The following GRID2 variants were observed in gnomAD, a reference collection of about 807,000 sequenced individuals.
GRID2 encodes glutamate ionotropic receptor delta type subunit 2.
In GRID2, 33 loss-of-function variants were observed where a neutral mutation model predicts 114.8. The ratio of observed to expected loss-of-function variants is 0.29; its 90% CI spans 0.22 to 0.38. The LOEUF is 0.38. Ranked by LOEUF, GRID2 falls within the 10% of genes least tolerant of loss-of-function variation. The pLI, the probability that GRID2 is intolerant of heterozygous loss-of-function variation, is 1.00. For missense variants in GRID2, 1,184 were observed against 1,257.7 expected (o/e 0.94, Z 0.89); for synonymous variants, 505 against 449.9 (o/e 1.12, Z -1.55).
intron 2 of GRID2, among the ~76,000 whole-genome samples, chr4:92,988,485 C>G (rs186638223): frequency 3.3e-5 from 5 of 152,274 alleles, no homozygotes; most frequent in Admixed American, 2.0e-4. Context: ...AGTGGCATCC[C>G]TTATTTCTGC....
chr4:93,183,717 T>G (rs1022657001), intron 4 of GRID2, among the ~76,000 whole-genome samples: 5 of 152,200 alleles, frequency 3.3e-5, no homozygotes, highest in Admixed American at 6.5e-5. Context: ...TACCATCATG[T>G]GCCAGGCACT....
At chr4:92,820,577 A>G (rs1741215177) in intron 2 of GRID2, among the ~76,000 whole-genome samples, 1 of 152,146 alleles carries the variant, frequency 6.6e-6, no homozygotes, top group African/African-American at 2.4e-5. Flanking sequence ...CTTGGCTGCA[A>G]TGAACTTTAT....
chr4:92,687,430 T>C (rs141120027), intron 2 of GRID2, among the ~76,000 whole-genome samples: 2 of 152,134 alleles, frequency 1.3e-5, no homozygotes. Context: ...TCACACACTG[T>C]TTTTAGCTTC....
chr4:92,710,318 GAAATA>G (rs1560545842), intron 2 of GRID2, among the ~76,000 whole-genome samples: 1 of 152,132 alleles, frequency 6.6e-6, no homozygotes, highest in Non-Finnish European at 1.5e-5. Flanking sequence ...TTAGATAAAT[GAAATA>G]ATTAAAAACT....
In GRID2 at chr4:93,110,850, TC is replaced by T; in HGVS notation, c.633del (p.Phe212LeufsTer4). 1 of 1,610,692 alleles carries T rather than the reference TC, an allele frequency of 6.2e-7. No homozygotes were observed. Among genetic ancestry groups the T allele is most frequent in the Non-Finnish European group, 8.5e-7 (1 of 1,176,858 alleles). On this transcript the variant is annotated frameshift_variant, in exon 4 of 16. Coordinates refer to ENST00000282020, the MANE Select transcript of GRID2 (RefSeq NM_001510.4). LOFTEE classifies it high-confidence loss of function. ...ENNINKMITT[L>X]FDTMRIEELN... ...AACATCAATAAAATGATTACCACTC[TC>T]TTTGACACCATGAGAATAGAAGAAC...
chr4:92,638,762 TAAC>T (rs534305900), intron 2 of GRID2, among the ~76,000 whole-genome samples: 193 of 150,834 alleles, frequency 1.3e-3, no homozygotes, highest in African/African-American at 4.3e-3. Context: ...TTATTTTTAA[TAAC>T]AAATTTATTT....
rs148979896 is a variant in GRID2, at chr4:93,718,167, A to G, written c.2361-51043A>G. Reference sequence around the variant, plus strand: ...TAGTTGATCAATGAAATACTTACAGAAGATTTCAAAATAAGATACATATGG... The same window carrying G: ...TAGTTGATCAATGAAATACTTACAGGAGATTTCAAAATAAGATACATATGG... On this transcript the variant is annotated intron_variant, in intron 14 of 15. Coordinates refer to ENST00000282020, the MANE Select transcript of GRID2 (RefSeq NM_001510.4). Among the ~76,000 whole-genome samples the G allele has an allele frequency of 1.3e-3, 201 of 152,338 alleles. 1 individual carries two copies. Among genetic ancestry groups the G allele is most frequent in the African/African-American group, 4.7e-3 (195 of 41,584 alleles).
At chr4:92,898,766 A>G (rs1482230191) in intron 2 of GRID2, among the ~76,000 whole-genome samples, 1 of 152,158 alleles carries the variant, frequency 6.6e-6, no homozygotes, top group South Asian at 2.1e-4. Context: ...TATGGGCCAA[A>G]TACCATCCTT....
At chr4:93,163,542 G>A (rs1242300193) in intron 4 of GRID2, among the ~76,000 whole-genome samples, 2 of 149,196 alleles carry the variant, frequency 1.3e-5, no homozygotes, top group African/African-American at 2.5e-5. Flanking sequence ...GGGATTACAG[G>A]TGTGAATCAC....
chr4:92,377,579 C>A (rs549430099), intron 1 of GRID2, among the ~76,000 whole-genome samples: 1 of 152,232 alleles, frequency 6.6e-6, no homozygotes, highest in Non-Finnish European at 1.5e-5. Flanking sequence ...CTACTCATAG[C>A]AATTTACTGT....
intron 1 of GRID2, among the ~76,000 whole-genome samples, chr4:92,528,830 A>T (rs1471109139): frequency 1.3e-5 from 2 of 151,880 alleles, no homozygotes; most frequent in Non-Finnish European, 2.9e-5. Context: ...TAAAAAAAAA[A>T]AAAAAAAAAA....
intron 2 of GRID2, among the ~76,000 whole-genome samples, chr4:92,662,446 A>G (rs1012610717): frequency 1.2e-4 from 18 of 151,138 alleles, no homozygotes. Flanking sequence ...ATGTATTTTT[A>G]ACATATACAT....
chr4:92,621,617 A>G (rs1349350), intron 2 of GRID2, among the ~76,000 whole-genome samples: 58,926 of 151,400 alleles, frequency 0.39, 12,004 homozygotes, highest in African/African-American at 0.52. Flanking sequence ...ACTATATTAC[A>G]TCACTGCACT....
intron 14 of GRID2, among the ~76,000 whole-genome samples, chr4:93,637,710 C>T (rs17020905): frequency 0.041 from 6,250 of 152,234 alleles, 433 homozygotes; most frequent in African/African-American, 0.14. Context: ...AAATTGAAAG[C>T]TATGGGACGA....
At chr4:93,331,374 T>C (rs887851881) in intron 8 of GRID2, among the ~76,000 whole-genome samples, 3 of 151,900 alleles carry the variant, frequency 2.0e-5, no homozygotes, top group Admixed American at 1.3e-4. Context: ...GCTCAATTAT[T>C]ACATTCTTGG....
intron 4 of GRID2, among the ~76,000 whole-genome samples, chr4:93,145,682 G>C (rs1333038358): frequency 1.0e-4 from 11 of 108,092 alleles, no homozygotes; most frequent in African/African-American, 3.6e-4. Context: ...TTTTAGTAGA[G>C]ATGGCGTTTC....
At chr4:93,752,867 T>C (rs1021434409) in intron 14 of GRID2, among the ~76,000 whole-genome samples, 5 of 152,186 alleles carry the variant, frequency 3.3e-5, no homozygotes, top group African/African-American at 1.2e-4. Context: ...GTAAAATCCA[T>C]ATTGTCCATT....
intron 2 of GRID2, among the ~76,000 whole-genome samples, chr4:93,054,759 T>C (rs984726800): frequency 1.3e-5 from 2 of 151,872 alleles, no homozygotes; most frequent in Non-Finnish European, 2.9e-5. Context: ...TATGGAAATA[T>C]AATTTTTCAC....
chr4:93,383,695 T>C (rs1383859943), intron 8 of GRID2, among the ~76,000 whole-genome samples: 1 of 152,128 alleles, frequency 6.6e-6, no homozygotes, highest in Non-Finnish European at 1.5e-5. Context: ...CTGTGAGAAA[T>C]GTCCTCTGGA....
Sources: gnomAD v4.1 joint callset for allele counts (sites outside exome capture counted in the v4.1 genomes callset) on GRCh38, gnomAD v4.1.1 for gene constraint, MANE v1.5 for transcripts, NCBI Gene and HGNC (gene_info 2026-07-23, HGNC 2026-07-21) for gene names.